Variants in EYS observed in about 807,000 individuals in gnomAD.
EYS encodes the protein protein eyes shut homolog.
A neutral mutation model predicts 282.1 loss-of-function variants in EYS; 250 were observed. The observed-to-expected ratio is 0.89, with a 90% confidence interval of 0.80 to 0.98. The LOEUF (loss-of-function observed/expected upper bound fraction) is 0.98. EYS is among the 50% of genes least tolerant of loss of function. The pLI is 0.00. For missense variants in EYS, 4,016 were observed against 3,709.0 expected (o/e 1.08, Z -2.15); for synonymous variants, 1,355 against 1,282.9 (o/e 1.06, Z -1.20).
At chr6:64,353,270 A>G (rs1771707768) in intron 29 of EYS, among the ~76,000 whole-genome samples, 2 of 151,568 alleles carry the variant, frequency 1.3e-5, no homozygotes, top group South Asian at 4.1e-4. Context: ...AGAAAAATTT[A>G]TGACTTTGAG....
chr6:64,230,100 T>C (rs759646214), intron 31 of EYS, among the ~76,000 whole-genome samples: 1 of 152,198 alleles, frequency 6.6e-6, no homozygotes, highest in Non-Finnish European at 1.5e-5. Context: ...GAATATATTT[T>C]TTTCATTCAT....
rs138363471 is a variant in EYS, at chr6:65,530,825, G to T, written c.-332-34832C>A. Among the ~76,000 whole-genome samples, 271 of 151,938 alleles carry T rather than the reference G, an allele frequency of 1.8e-3. 2 individuals carry two copies. The highest frequency in any genetic ancestry group is 6.0e-3 in the African/African-American group (247 of 41,430). ...TGGCCAAAAGTTTTTAGGGCCATTC[G>T]GTCTGCATACTTTTTGTTCCTTGTG... On this transcript the variant is annotated intron_variant, in intron 2 of 42. Transcript: ENST00000503581.
At chr6:64,028,532 A>T (rs1301605861) in intron 33 of EYS, among the ~76,000 whole-genome samples, 1 of 152,218 alleles carries the variant, frequency 6.6e-6, no homozygotes, top group Non-Finnish European at 1.5e-5. Context: ...CAGAGGAAGC[A>T]GAATGGTTCA....
At chr6:64,757,964 C>T (rs1773011405) in intron 22 of EYS, among the ~76,000 whole-genome samples, 1 of 152,028 alleles carries the variant, frequency 6.6e-6, no homozygotes, top group African/African-American at 2.4e-5. Flanking sequence ...TTAGTAGAGA[C>T]GGGGTTTCAC....
chr6:63,898,895 T>A (rs1286824108), intron 35 of EYS, among the ~76,000 whole-genome samples: 1 of 152,194 alleles, frequency 6.6e-6, no homozygotes, highest in Non-Finnish European at 1.5e-5. Context: ...GAGTTTTTAG[T>A]GCATCATTAT....
intron 12 of EYS, among the ~76,000 whole-genome samples, chr6:65,164,729 G>A (rs1488487839): frequency 2.6e-5 from 4 of 151,256 alleles, no homozygotes; most frequent in South Asian, 2.1e-4. Context: ...AGGTGCCAGC[G>A]ATGTTGGTTA....
intron 26 of EYS, among the ~76,000 whole-genome samples, chr6:64,552,458 C>T (rs564263595): frequency 6.6e-6 from 1 of 152,200 alleles, no homozygotes; most frequent in African/African-American, 2.4e-5. Flanking sequence ...TAAAGTTTGA[C>T]AAGAAACATT....
intron 33 of EYS, among the ~76,000 whole-genome samples, chr6:64,035,951 C>A (rs1452568241): frequency 1.3e-5 from 2 of 152,188 alleles, no homozygotes; most frequent in African/African-American, 4.8e-5. Context: ...AGCTGTACTT[C>A]TGATCTTCTT....
intron 31 of EYS, among the ~76,000 whole-genome samples, chr6:64,134,890 G>A (rs763198643): frequency 7.9e-5 from 12 of 151,980 alleles, no homozygotes; most frequent in Admixed American, 2.6e-4. Flanking sequence ...CTATTTTCTG[G>A]GCATATGCTA....
intron 15 of EYS, among the ~76,000 whole-genome samples, chr6:64,939,423 T>C (rs545712008): frequency 6.6e-6 from 1 of 152,076 alleles, no homozygotes; most frequent in East Asian, 1.9e-4. Flanking sequence ...CAATAAGCCA[T>C]GTCAGGGTTA....
intron 26 of EYS, among the ~76,000 whole-genome samples, chr6:64,580,968 G>GGA (rs1766041408): frequency 6.6e-6 from 1 of 152,042 alleles, no homozygotes; most frequent in African/African-American, 2.4e-5. Context: ...ATATGGGTAG[G>GGA]GAGAGAGATG....
At position 64,199,662 on chromosome 6, in the gene EYS, T is replaced by G. The variant is rs554267881; in HGVS notation, c.6424+30930A>C. On this transcript the variant is annotated intron_variant, in intron 31 of 42. Transcript: ENST00000503581. ...GGCAACCTACAGAATGGGAGAAAAT[T>G]TTTGCAATCTATCCATCTGACAAAG... 6.2e-3 allele frequency among the ~76,000 whole-genome samples: 950 copies of G among 152,054 alleles called. 11 individuals carry two copies. The highest frequency in any genetic ancestry group is 6.6e-3 in the Non-Finnish European group (448 of 67,952).
chr6:64,103,763 G>A (rs1772911692), intron 31 of EYS, among the ~76,000 whole-genome samples: 1 of 152,152 alleles, frequency 6.6e-6, no homozygotes, highest in Non-Finnish European at 1.5e-5. Flanking sequence ...CTTGAATTAG[G>A]AAGAGCAAGA....
In EYS at chr6:64,871,478, A is replaced by G. The variant is rs1766596812; in HGVS notation, c.2992+15219T>C. Among the ~76,000 whole-genome samples, 5 of 152,086 alleles carry G rather than the reference A, an allele frequency of 3.3e-5. No homozygotes were observed. The Middle Eastern group carries it at 0.014, about 414-fold the overall frequency. On this transcript the variant is annotated intron_variant, in intron 19 of 42. Transcript: ENST00000503581. ...AACACATGTTTTCTTTTAGGCCTGA[A>G]ATTAATGCTATGTTTATATAACTTC...
At chr6:63,760,692 CTAT>C (rs1769615549) in intron 41 of EYS, among the ~76,000 whole-genome samples, 2 of 142,926 alleles carry the variant, frequency 1.4e-5, no homozygotes, top group South Asian at 2.3e-4. Context: ...ATCTATCTAT[CTAT>C]CTATCTAATC....
intron 22 of EYS, among the ~76,000 whole-genome samples, chr6:64,626,860 C>A (rs778796656): frequency 9.9e-5 from 15 of 152,038 alleles, no homozygotes; most frequent in Non-Finnish European, 1.6e-4. Context: ...TGCTTAAATC[C>A]AAGTGAACTG....
intron 22 of EYS, among the ~76,000 whole-genome samples, chr6:64,785,246 T>G (rs1260906197): frequency 6.6e-6 from 1 of 152,224 alleles, no homozygotes; most frequent in African/African-American, 2.4e-5. Flanking sequence ...AGGGATTTCT[T>G]TCTTTCCAGC....
intron 13 of EYS, among the ~76,000 whole-genome samples, chr6:65,032,418 G>C (rs1278540503): frequency 6.6e-6 from 1 of 152,118 alleles, no homozygotes; most frequent in East Asian, 1.9e-4. Flanking sequence ...TTGATCATGG[G>C]GGCAGGTCCC....
At chr6:64,392,875 C>G (rs1368703957) in intron 28 of EYS, among the ~76,000 whole-genome samples, 2 of 151,582 alleles carry the variant, frequency 1.3e-5, no homozygotes, top group African/African-American at 2.4e-5. Context: ...ATTGATAGAC[C>G]GCTAGCAAGA....
Sources: allele counts gnomAD v4.1 joint callset (sites outside exome capture counted in the v4.1 genomes callset), GRCh38; gene constraint gnomAD v4.1.1; transcripts MANE v1.5; gene names NCBI Gene and HGNC (gene_info 2026-07-23, HGNC 2026-07-21).